The following FRAS1 variants were observed in gnomAD, a reference collection of about 807,000 sequenced individuals.
The protein encoded by FRAS1 is Fraser extracellular matrix complex subunit 1, also known as extracellular matrix organizing protein FRAS1.
A neutral mutation model predicts 435.2 loss-of-function variants in FRAS1; 290 were observed. That is an observed-to-expected ratio of 0.67 (90% CI 0.61 to 0.73). The LOEUF (loss-of-function observed/expected upper bound fraction) is 0.73. Among genes scored for constraint, FRAS1 ranks in the 30% least tolerant of loss-of-function variants. FRAS1 has a pLI of 0.00. For missense variants in FRAS1, 4,860 were observed against 5,001.5 expected (o/e 0.97, Z 0.85); for synonymous variants, 1,800 against 1,851.0 (o/e 0.97, Z 0.71).
At position 78,140,703 on chromosome 4, in the gene FRAS1, G is replaced by GTATATA. The variant is rs58963197; in HGVS notation, c.108+74687_108+74688insTATATA. On this transcript the variant is annotated intron_variant, in intron 2 of 73. Coordinates refer to ENST00000512123, the MANE Select transcript of FRAS1 (RefSeq NM_025074.7). ...TATATGCATATACATATGTGTATAT[G>GTATATA]CATATACGTGTGTGTATATGTATAT... is the stretch of plus-strand genomic sequence containing the variant. Among the ~76,000 whole-genome samples, 140 of 68,306 alleles carry GTATATA rather than the reference G, an allele frequency of 2.0e-3. 7 individuals are homozygous for GTATATA. Among genetic ancestry groups the GTATATA allele is most frequent in the African/African-American group, 6.6e-3 (71 of 10,774 alleles). The allele number at this position is 68,306 out of a possible 152,430, so 44.8% of individuals were successfully genotyped here. A position where few individuals can be genotyped will look rare whatever the true frequency, so the allele number is the denominator to read the frequency against.
chr4:78,243,147 TGAC>T (rs1725078236), intron 3 of FRAS1, among the ~76,000 whole-genome samples: 1 of 152,206 alleles, frequency 6.6e-6, no homozygotes, highest in South Asian at 2.1e-4. Context: ...CAGATAATAA[TGAC>T]ATTTACTTAA....
chr4:78,280,936 G>A (rs559512413), intron 10 of FRAS1, among the ~76,000 whole-genome samples: 2 of 152,190 alleles, frequency 1.3e-5, no homozygotes, highest in Admixed American at 1.3e-4. Flanking sequence ...TAAGAATTTA[G>A]GAGGTTTTAA....
At chr4:78,298,030 C>CTCTCTCTATA (rs1253600018) in intron 14 of FRAS1, among the ~76,000 whole-genome samples, 15 of 104,074 alleles carry the variant, frequency 1.4e-4, no homozygotes, top group African/African-American at 5.0e-4. Context: ...CTCTCTCTCT[C>CTCTCTCTATA]TATATATATA....
At position 78,448,131 on chromosome 4, in the gene FRAS1, A is replaced by G; in HGVS notation, c.6089A>G (p.Tyr2030Cys). Residue 2030 changes from tyrosine to cysteine, a missense_variant, in exon 44 of 74, where the codon TAC becomes TGC. By Grantham distance (194) the Tyr-to-Cys change is radical. Transcript: ENST00000512123. Reference protein sequence around the residue: ...RVLVQGSTFTYQDILAGLVGY... With the variant: ...RVLVQGSTFTCQDILAGLVGY... Reference sequence around the variant, plus strand: ...TTAGTCCAGGGCTCAACCTTCACCTACCAGGATATCCTAGCTGGGCTGGTT... The same window carrying G: ...TTAGTCCAGGGCTCAACCTTCACCTGCCAGGATATCCTAGCTGGGCTGGTT... 1.2e-6 allele frequency: 2 copies of G among 1,613,636 alleles called. No homozygotes were observed. The highest frequency in any genetic ancestry group is 2.2e-5 in the South Asian group (2 of 91,042).
rs367749348 is a variant in FRAS1 at position 78,337,690 on chromosome 4, C to T, written c.2295C>T (p.Cys765=). Residue 765 remains cysteine, a synonymous_variant, in exon 20 of 74, where the codon TGC becomes TGT. Transcript: ENST00000512123. ...CCCTGCCAGAGTGTCACCCAACCTG[C>T]AGGCAGTGTCATGGGCCGTTGGAGT... ...EGSCTECHPT[C]RQCHGPLESD... The T allele has an allele frequency of 6.2e-7, 1 of 1,613,104 alleles. No individual in the cohort carries two copies. Among genetic ancestry groups the T allele is most frequent in the African/African-American group, 1.3e-5 (1 of 74,936 alleles).
rs780522824 is a variant in FRAS1, at chr4:78,146,004, TGTGA to T, written c.108+79991_108+79994del. ...TGAGGTCTCCCCAGCCATGCAGAACTGTGAGTCAGTTAAAACTCTTTTCTTTATA... is the reference window on the plus strand; with the variant it reads ...TGAGGTCTCCCCAGCCATGCAGAACTGTCAGTTAAAACTCTTTTCTTTATA... On this transcript the variant is annotated intron_variant, in intron 2 of 73. Coordinates refer to ENST00000512123, the MANE Select transcript of FRAS1 (RefSeq NM_025074.7). Among the ~76,000 whole-genome samples the T allele has an allele frequency of 2.1e-4, 32 of 152,290 alleles. 1 individual carries two copies. In the East Asian group the frequency reaches 4.4e-3, roughly 21 times the overall value.
intron 62 of FRAS1, among the ~76,000 whole-genome samples, chr4:78,508,240 G>A (rs996570247): frequency 9.2e-5 from 14 of 152,096 alleles, no homozygotes; most frequent in Non-Finnish European, 2.1e-4. Context: ...ATCAGAAGAA[G>A]CCTTCTGACT....
Position 78,068,007 on chromosome 4 carries a change from C to A in FRAS1, c.108+1991C>A, listed in dbSNP as rs190400847. Among the ~76,000 whole-genome samples, 7 of 151,834 alleles carry A rather than the reference C, an allele frequency of 4.6e-5. No individual in the cohort carries two copies. The South Asian group carries it at 8.3e-4, about 18-fold the overall frequency. ...ACATTTGTTTCTGAACCTCTTCAAG[C>A]CTGAGATACTTGTTATTGTAGTTAT... On this transcript the variant is annotated intron_variant, in intron 2 of 73. Coordinates refer to ENST00000512123, the MANE Select transcript of FRAS1 (RefSeq NM_025074.7).
At chr4:78,374,827 T>A (rs1188602850) in intron 25 of FRAS1, among the ~76,000 whole-genome samples, 1 of 152,242 alleles carries the variant, frequency 6.6e-6, no homozygotes, top group Non-Finnish European at 1.5e-5. Context: ...TTAATAATGC[T>A]ATTAACCCGG....
At chr4:78,099,199 A>C (rs1169867068) in intron 2 of FRAS1, among the ~76,000 whole-genome samples, 1 of 152,202 alleles carries the variant, frequency 6.6e-6, no homozygotes, top group Non-Finnish European at 1.5e-5. Context: ...CATCTGGCTG[A>C]TTAGTAAGTT....
chr4:78,158,078 C>A (rs1341803359), intron 2 of FRAS1, among the ~76,000 whole-genome samples: 1 of 152,078 alleles, frequency 6.6e-6, no homozygotes, highest in East Asian at 1.9e-4. Context: ...AGTTACTATA[C>A]CCTTGTAGTA....
At chr4:78,058,199 T>C (rs1289388826) in intron 1 of FRAS1, 114 bp downstream of exon 1, 2 of 926,310 alleles carry the variant, frequency 2.2e-6, no homozygotes, top group East Asian at 5.3e-5. Context: ...TTCGGTGAGG[T>C]GGAAGTTTTT....
At chr4:78,448,387 C>T (rs1718921187) in intron 44 of FRAS1, 71 bp downstream of exon 44, 12 of 1,395,304 alleles carry the variant, frequency 8.6e-6, no homozygotes, top group Non-Finnish European at 1.1e-5. Context: ...GTATGCAGTA[C>T]TTTCTTCCAT....
chr4:78,402,749 CA>C (rs1294686770), intron 30 of FRAS1, among the ~76,000 whole-genome samples: 1 of 152,160 alleles, frequency 6.6e-6, no homozygotes, highest in Non-Finnish European at 1.5e-5. Flanking sequence ...ATCTCAATTA[CA>C]CTTATTTGCC....
At chr4:78,519,069 A>T (rs1721303722) in intron 66 of FRAS1, among the ~76,000 whole-genome samples, 2 of 150,932 alleles carry the variant, frequency 1.3e-5, no homozygotes, top group Admixed American at 6.6e-5. Flanking sequence ...CTCCCACTTC[A>T]AAAGTATTTT....
At position 78,466,398 on chromosome 4, in the gene FRAS1, C is replaced by T; in HGVS notation, c.7220C>T (p.Thr2407Ile). Residue 2407 changes from threonine (T) to isoleucine (I), a missense_variant, in exon 50 of 74, where the codon ACA (threonine) becomes ATA (isoleucine). Physicochemically the swap from Thr to Ile is moderately conservative, Grantham distance 89. Transcript: ENST00000512123. ...TTCACCTTCACTGTTTCTGATGGGACAAACCCCTTCTTTATCATTGAGGAA... is the reference window on the plus strand; with the variant it reads ...TTCACCTTCACTGTTTCTGATGGGATAAACCCCTTCTTTATCATTGAGGAA... ...DRFTFTVSDG[T>I]NPFFIIEEGG... 1 of 1,613,880 alleles carries T rather than the reference C, an allele frequency of 6.2e-7. No homozygotes were observed. Among genetic ancestry groups the T allele is most frequent in the Non-Finnish European group, 8.5e-7 (1 of 1,179,818 alleles).
intron 27 of FRAS1, among the ~76,000 whole-genome samples, chr4:78,382,197 A>C (rs775663936): frequency 3.3e-5 from 5 of 152,080 alleles, no homozygotes; most frequent in Non-Finnish European, 7.4e-5. Context: ...TGCCACCAAA[A>C]ATCACTTACC....
chr4:78,472,271 A>C lies in FRAS1; in HGVS notation c.7463A>C (p.Lys2488Thr). 6.2e-7 allele frequency: 1 copy of C among 1,613,550 alleles called. No homozygotes were observed. Among genetic ancestry groups the C allele is most frequent in the Non-Finnish European group, 8.5e-7 (1 of 1,179,610 alleles). ...GTCTATGAGATAACGACGGGCCCTA[A>C]GCATGGCTTTGTGGAGAACAAGCTG... is the stretch of plus-strand genomic sequence containing the variant. ...QLVYEITTGP[K>T]HGFVENKLQP... Residue 2488 changes from lysine to threonine, a missense_variant, in exon 52 of 74, where the codon AAG becomes ACG. Transcript: ENST00000512123.
intron 2 of FRAS1, among the ~76,000 whole-genome samples, chr4:78,177,795 C>A (rs1039850337): frequency 6.6e-6 from 1 of 152,128 alleles, no homozygotes; most frequent in Admixed American, 6.5e-5. Flanking sequence ...CCCTTACATA[C>A]GGATTGGATT....
Sources: allele counts gnomAD v4.1 joint callset (sites outside exome capture counted in the v4.1 genomes callset), GRCh38; gene constraint gnomAD v4.1.1; transcripts MANE v1.5; gene names NCBI Gene and HGNC (gene_info 2026-07-23, HGNC 2026-07-21).